Variants in UPRT observed in about 807,000 individuals in gnomAD.
UPRT encodes uracil phosphoribosyltransferase homolog, also known as RP11-311P8.3.
Under a neutral mutation model 22.6 loss-of-function variants are expected in UPRT, and 5 were observed. That is an observed-to-expected ratio of 0.22 (90% CI 0.12 to 0.47). The LOEUF is 0.47. Ranked by LOEUF, UPRT falls within the 20% of genes least tolerant of loss-of-function variation. The probability of loss-of-function intolerance (pLI) is 0.99; values close to 1 mark genes in which losing one functional copy is unlikely to be tolerated. For missense variants in UPRT, 181 were observed against 239.9 expected, an observed-to-expected ratio of 0.75 and a Z score of 1.62; for synonymous variants, 77 against 87.7, an observed-to-expected ratio of 0.88 and a Z score of 0.68.
chrX:75,191,918 G>A (rs183068812), intron 4 of UPRT, among the ~76,000 whole-genome samples: 1,724 of 111,190 alleles, frequency 0.016, 35 homozygotes, highest in African/African-American at 0.054. Flanking sequence ...TGGGTGAGGC[G>A]ATGCCTCACC....
intron 4 of UPRT, among the ~76,000 whole-genome samples, chrX:75,219,271 G>T (rs968596044): frequency 7.2e-5 from 8 of 111,867 alleles, no homozygotes; most frequent in African/African-American, 2.6e-4. Context: ...TAATTGAAAG[G>T]CAAGGCTTCA....
chrX:75,243,434 A>G (rs2082494451), intron 4 of UPRT, among the ~76,000 whole-genome samples: 1 of 111,794 alleles, frequency 8.9e-6, no homozygotes, highest in Non-Finnish European at 1.9e-5. Context: ...AAGTCACTTA[A>G]GGAAAGAGAA....
intron 4 of UPRT, among the ~76,000 whole-genome samples, chrX:75,249,648 C>T (rs999516200): frequency 8.1e-5 from 9 of 110,769 alleles, no homozygotes; most frequent in Non-Finnish European, 1.1e-4. Flanking sequence ...TTAGACAGAT[C>T]TGTGAGACAG....
At chrX:75,274,870 CT>C (rs1476187137) in intron 1 of UPRT, 1 of 385,523 alleles carries the variant, frequency 2.6e-6, no homozygotes, top group Non-Finnish European at 4.3e-6. Context: ...TCTAACATCA[CT>C]TTGGGTGGGG....
At chrX:75,191,922 C>T (rs935518988) in intron 4 of UPRT, among the ~76,000 whole-genome samples, 2 of 111,380 alleles carry the variant, frequency 1.8e-5, no homozygotes, top group Non-Finnish European at 3.8e-5. Context: ...TGAGGCGATG[C>T]CTCACCCTGC....
chrX:75,293,556 G>C, intron 2 of UPRT, 42 bp downstream of exon 2: 1 of 1,164,190 alleles, frequency 8.6e-7, no homozygotes, highest in Non-Finnish European at 1.1e-6. Flanking sequence ...GTTTTGCCTA[G>C]TGATATAACC....
At chrX:75,246,359 G>T (rs1456196046) in intron 4 of UPRT, among the ~76,000 whole-genome samples, 2 of 105,050 alleles carry the variant, frequency 1.9e-5, no homozygotes, top group African/African-American at 3.5e-5. Context: ...GCAGTGTTTG[G>T]TTTTTTGTCC....
chrX:75,299,193 G>A (rs1018629920), intron 4 of UPRT, among the ~76,000 whole-genome samples: 2 of 112,023 alleles, frequency 1.8e-5, no homozygotes, highest in Non-Finnish European at 3.8e-5. Context: ...TGGGAGAGGG[G>A]GAACAATATA....
At chrX:75,297,602 G>A (rs957629909) in intron 4 of UPRT, 49 bp downstream of exon 4, 1 of 1,171,637 alleles carries the variant, frequency 8.5e-7, no homozygotes. Flanking sequence ...CATAGAAATG[G>A]TTGCTGTTTT....
chrX:75,277,301 G>C (rs138137535), intron 1 of UPRT, among the ~76,000 whole-genome samples: 123 of 111,388 alleles, frequency 1.1e-3, no homozygotes, highest in African/African-American at 3.6e-3. Flanking sequence ...ATAGCGCTTG[G>C]AGAGGGAATG....
intron 4 of UPRT, among the ~76,000 whole-genome samples, chrX:75,179,059 T>C (rs891307227): frequency 8.9e-6 from 1 of 111,983 alleles, no homozygotes; most frequent in Non-Finnish European, 1.9e-5. Flanking sequence ...ACAGGTTCTC[T>C]AAGGCCCTAC....
intron 4 of UPRT, among the ~76,000 whole-genome samples, chrX:75,226,135 C>A (rs1333732039): frequency 9.0e-6 from 1 of 111,145 alleles, no homozygotes; most frequent in Non-Finnish European, 1.9e-5. Context: ...TTTTCCCCTC[C>A]TTATCCCACA....
chrX:75,264,886 A>T (rs980942274), intron 4 of UPRT, among the ~76,000 whole-genome samples: 2 of 111,715 alleles, frequency 1.8e-5, no homozygotes, highest in Non-Finnish European at 3.8e-5. Flanking sequence ...GTGGTGACAA[A>T]ATCTCTCGGC....
rs1417843760 is a variant in UPRT at position 75,181,945 on chromosome X, C to A, written c.-447+14066C>A. Among the ~76,000 whole-genome samples, 6 of 111,726 alleles carry A rather than the reference C, an allele frequency of 5.4e-5. No homozygotes were observed. In the East Asian group the frequency reaches 1.7e-3, roughly 31 times the overall value. On this transcript the variant is annotated intron_variant, in intron 4 of 13. Transcript: ENST00000652605. ...TTCTGGTTTTCAAAGAGAATTCTTC[C>A]AGCATTTGCTCATTCAGTATGATGC... is the stretch of plus-strand genomic sequence containing the variant.
rs144630001 is a variant in UPRT at position 75,274,469 on chromosome X, C to G, written c.215C>G (p.Ser72Cys). ...CTGGACTCTGGGGCCTGCGGCGGCT[C>G]CAGCCTCAACTCAGAGGGCAACAGT... ...AELDSGACGG[S>C]SLNSEGNSGS... The change falls in exon 1 of 7, where the codon TCC (serine) becomes TGC (cysteine). Residue 72 changes from serine to cysteine, a missense_variant. Physicochemically the swap from Ser to Cys is moderately radical, Grantham distance 112. Transcript: ENST00000373383. 3.3e-6 allele frequency: 4 copies of G among 1,209,717 alleles called. No individual in the cohort carries two copies. Among genetic ancestry groups the G allele is most frequent in the Non-Finnish European group, 4.5e-6 (4 of 895,195 alleles).
chrX:75,185,079 G>C (rs1602443389), intron 4 of UPRT, among the ~76,000 whole-genome samples: 1 of 111,646 alleles, frequency 9.0e-6, no homozygotes, highest in African/African-American at 3.3e-5. Flanking sequence ...TGGTGAGAGA[G>C]GGCATCCCTG....
intron 4 of UPRT, among the ~76,000 whole-genome samples, chrX:75,191,517 G>C (rs1355856445): frequency 1.8e-5 from 2 of 110,083 alleles, no homozygotes; most frequent in African/African-American, 6.6e-5. Flanking sequence ...TAAATCTGCA[G>C]AGGTTTCTGC....
rs1389953014 is a variant in UPRT at position 75,183,208 on chromosome X, T to A, written c.-447+15329T>A. Among the ~76,000 whole-genome samples, 5 of 110,031 alleles carry A rather than the reference T, an allele frequency of 4.5e-5. No individual in the cohort carries two copies. In the Admixed American group the frequency reaches 4.9e-4, roughly 11 times the overall value. ...CCACGACAAGCCCTGGTGTGTGATG[T>A]TCCCCTTCCTGTGTCCAAGTGTTCT... On this transcript the variant is annotated intron_variant, in intron 4 of 13. Coordinates refer to the UPRT transcript ENST00000652605.
At chrX:75,298,878 G>A (rs186780085) in intron 4 of UPRT, among the ~76,000 whole-genome samples, 61 of 112,092 alleles carry the variant, frequency 5.4e-4, no homozygotes, top group African/African-American at 1.9e-3. Context: ...GATGACTTGT[G>A]GTGATGTACA....
Sources: gnomAD v4.1 joint callset for allele counts (sites outside exome capture counted in the v4.1 genomes callset) on GRCh38, gnomAD v4.1.1 for gene constraint, MANE v1.5 for transcripts, NCBI Gene and HGNC (gene_info 2026-07-23, HGNC 2026-07-21) for gene names.